Variants in AFF1 observed in about 807,000 individuals in gnomAD.
AFF1 encodes the protein AF4/FMR2 family member 1.
AFF1 carries 48 observed loss-of-function variants against 121.7 expected under a neutral mutation model. The ratio of observed to expected loss-of-function variants is 0.39; its 90% CI spans 0.31 to 0.50. The LOEUF (loss-of-function observed/expected upper bound fraction) is 0.50. AFF1 is among the 20% of genes least tolerant of loss of function. AFF1 has a pLI of 0.76. For synonymous variants in AFF1, 613 were observed against 563.0 expected (o/e 1.09, Z -1.26); for missense variants, 1,523 against 1,511.7 (o/e 1.01, Z -0.12).
chr4:86,958,449 G>A (rs946756259), intron 2 of AFF1, among the ~76,000 whole-genome samples: 3 of 152,052 alleles, frequency 2.0e-5, no homozygotes, highest in Admixed American at 2.0e-4. Flanking sequence ...CAGGTGCGGT[G>A]GCTCATGCCT....
intron 2 of AFF1, among the ~76,000 whole-genome samples, chr4:86,968,153 G>A (rs137956346): frequency 1.3e-5 from 2 of 152,246 alleles, no homozygotes; most frequent in African/African-American, 4.8e-5. Flanking sequence ...CACCTCTTCC[G>A]TGAAACCTCC....
intron 8 of AFF1, among the ~76,000 whole-genome samples, chr4:87,098,973 A>G (rs1578246376): frequency 6.6e-6 from 1 of 152,332 alleles, no homozygotes; most frequent in South Asian, 2.1e-4. Flanking sequence ...GAGCAAGGGA[A>G]GACTCATTCT....
chr4:87,039,932 C>T (rs377598303), intron 2 of AFF1, among the ~76,000 whole-genome samples: 1 of 152,068 alleles, frequency 6.6e-6, no homozygotes, highest in East Asian at 1.9e-4. Flanking sequence ...GATGGAGTCT[C>T]GCTCTGTAGC....
At chr4:86,956,228 T>C (rs1721728789) in intron 2 of AFF1, among the ~76,000 whole-genome samples, 2 of 152,242 alleles carry the variant, frequency 1.3e-5, no homozygotes. Context: ...AAATGATTGC[T>C]AACTGATAAG....
At chr4:86,965,602 G>A (rs952939008) in intron 2 of AFF1, among the ~76,000 whole-genome samples, 3 of 152,120 alleles carry the variant, frequency 2.0e-5, no homozygotes, top group Non-Finnish European at 4.4e-5. Flanking sequence ...GCTCCAAGAT[G>A]GCTCACAGAA....
chr4:87,126,910 G>GTT, intron 14 of AFF1, 116 bp from the exon 15 acceptor site: 1 of 868,996 alleles, frequency 1.2e-6, no homozygotes, highest in Non-Finnish European at 1.8e-6. Flanking sequence ...ATTGTGCATT[G>GTT]TTTGATTTAC....
chr4:86,962,309 G>C (rs1306188284), intron 2 of AFF1, among the ~76,000 whole-genome samples: 1 of 151,916 alleles, frequency 6.6e-6, no homozygotes, highest in Non-Finnish European at 1.5e-5. Flanking sequence ...TTAGATCTGG[G>C]TTTGAATTGT....
intron 2 of AFF1, among the ~76,000 whole-genome samples, chr4:87,034,317 T>C (rs1215187184): frequency 6.6e-6 from 1 of 152,168 alleles, no homozygotes; most frequent in African/African-American, 2.4e-5. Flanking sequence ...GAATGGGGCC[T>C]TGTTGGCCAG....
At chr4:86,955,310 C>T (rs1721660380) in intron 2 of AFF1, among the ~76,000 whole-genome samples, 5 of 152,208 alleles carry the variant, frequency 3.3e-5, no homozygotes, top group Admixed American at 2.6e-4. Flanking sequence ...TTGATTAGGA[C>T]TAATGAACTA....
intron 2 of AFF1, among the ~76,000 whole-genome samples, chr4:87,033,182 A>G (rs1326377092): frequency 6.6e-6 from 1 of 152,192 alleles, no homozygotes; most frequent in Non-Finnish European, 1.5e-5. Flanking sequence ...TTAGAGAAAT[A>G]AATTGCATCT....
intron 2 of AFF1, chr4:86,949,945 C>G: frequency 6.2e-7 from 1 of 1,614,082 alleles, no homozygotes. Context: ...GCCGCAGGTC[C>G]CGCAGGGCCA....
chr4:86,961,743 T>A (rs1299999793), intron 2 of AFF1, among the ~76,000 whole-genome samples: 1 of 152,116 alleles, frequency 6.6e-6, no homozygotes. Context: ...GCCCTTTTCA[T>A]CGCCGTGGTG....
intron 8 of AFF1, among the ~76,000 whole-genome samples, chr4:87,102,956 C>T (rs563417149): frequency 6.6e-6 from 1 of 152,198 alleles, no homozygotes; most frequent in South Asian, 2.1e-4. Context: ...AGGACCTTAG[C>T]CTCTTAAATT....
intron 11 of AFF1, among the ~76,000 whole-genome samples, chr4:87,111,224 A>G (rs1246067666): frequency 2.3e-5 from 2 of 87,132 alleles, no homozygotes; most frequent in African/African-American, 3.8e-5. Flanking sequence ...TCACCGTGTT[A>G]GCCAGGATGG....
intron 4 of AFF1, among the ~76,000 whole-genome samples, chr4:87,060,234 G>A (rs1720596063): frequency 6.6e-6 from 1 of 152,120 alleles, no homozygotes; most frequent in African/African-American, 2.4e-5. Flanking sequence ...GTACTTTTCA[G>A]AATTGAGCCT....
chr4:87,013,368 G>A lies in AFF1; in HGVS notation c.39-32798G>A, dbSNP rs74287877. Among the ~76,000 whole-genome samples, 1,422 of 152,192 alleles carry A rather than the reference G, an allele frequency of 9.3e-3. 64 individuals carry two copies. The highest frequency in any genetic ancestry group is 0.07 in the Admixed American group (1,074 of 15,276). On this transcript the variant is annotated intron_variant, in intron 2 of 20. Transcript: ENST00000395146. Reference sequence around the variant, plus strand: ...CTGCTATCAAGTTCTTAAGGCTATTGCTGGGAGCAGTAATTTGGTGACAGA... The same window carrying A: ...CTGCTATCAAGTTCTTAAGGCTATTACTGGGAGCAGTAATTTGGTGACAGA...
In AFF1 at chr4:87,114,878, C is replaced by A; in HGVS notation, c.2045C>A (p.Ser682Tyr). Residue 682 changes from serine (S) to tyrosine (Y), a missense_variant, in exon 12 of 21, where the codon TCC (serine) becomes TAC (tyrosine). Physicochemically the swap from Ser to Tyr is moderately radical, Grantham distance 144 (BLOSUM62 -2). Transcript: ENST00000395146. ...AGTGAGAAGAAGAAGCACAAGAGCTCCCTCCCTGCCCCCTCTAAGGCTCTC... is the reference window on the plus strand; with the variant it reads ...AGTGAGAAGAAGAAGCACAAGAGCTACCTCCCTGCCCCCTCTAAGGCTCTC... ...PSSEKKKHKS[S>Y]LPAPSKALSG... is the part of the protein sequence containing the mutation. The A allele has an allele frequency of 6.2e-6, 10 of 1,613,360 alleles. No homozygotes were observed. The highest frequency in any genetic ancestry group is 8.5e-6 in the Non-Finnish European group (10 of 1,179,728).
chr4:87,140,521 G>A lies in AFF1; in HGVS notation c.*4820G>A, dbSNP rs1347086934. 1.1e-4 allele frequency: 19 copies of A among 173,746 alleles called. 1 individual carries two copies. In the East Asian group the frequency reaches 1.7e-3, roughly 16 times the overall value. 10.8% of individuals were successfully genotyped at this position (173,746 alleles called of 1,614,324 possible). The stretch of plus-strand genomic sequence containing the variant: ...ATATTTTTTGCTTTCTTATAACTTT[G>A]GAGGAAAGTCAAATCTTGGTATTAT... On this transcript the variant is annotated 3_prime_UTR_variant, in exon 21 of 21. Coordinates refer to ENST00000395146, the MANE Select transcript of AFF1 (RefSeq NM_001166693.3).
intron 2 of AFF1, among the ~76,000 whole-genome samples, chr4:87,038,354 T>A (rs760956198): frequency 5.3e-5 from 8 of 152,238 alleles, no homozygotes; most frequent in Non-Finnish European, 1.0e-4. Flanking sequence ...TTATCCTGCC[T>A]TCAGACATGG....
Sources: gnomAD v4.1 joint callset for allele counts (sites outside exome capture counted in the v4.1 genomes callset) on GRCh38, gnomAD v4.1.1 for gene constraint, MANE v1.5 for transcripts, NCBI Gene and HGNC (gene_info 2026-07-23, HGNC 2026-07-21) for gene names.